The following ARHGEF40 variants were observed in gnomAD, a reference collection of about 807,000 sequenced individuals.
ARHGEF40 encodes Rho guanine nucleotide exchange factor 40.
Under a neutral mutation model 165.9 loss-of-function variants are expected in ARHGEF40, and 98 were observed. The ratio of observed to expected loss-of-function variants is 0.59; its 90% CI spans 0.50 to 0.70. ARHGEF40 has a LOEUF of 0.70. Among genes scored for constraint, ARHGEF40 ranks in the 30% least tolerant of loss-of-function variants. ARHGEF40 has a pLI of 0.00. For missense variants in ARHGEF40, 1,815 were observed against 1,968.0 expected, an observed-to-expected ratio of 0.92 and a Z score of 1.47; for synonymous variants, 792 against 814.3, an observed-to-expected ratio of 0.97 and a Z score of 0.47.
At position 21,074,822 on chromosome 14, in the gene ARHGEF40, G is replaced by A. The variant is rs1295470554; in HGVS notation, c.1092G>A (p.Gly364=). The change falls in exon 3 of 24, where the codon GGG becomes GGA. Residue 364 remains glycine, a synonymous_variant. Transcript: ENST00000298694. The surrounding 1 kb of genome is among the most constrained non-coding windows in gnomAD (Gnocchi z 4.8). ...ELRGGGGGGQ[G]AEGPPGTPRR... ...GAGGAGGAGGAGGAGGAGGCCAGGG[G>A]GCTGAAGGACCACCTGGTACCCCTC... 19 of 1,606,936 alleles carry A rather than the reference G, an allele frequency of 1.2e-5. No individual in the cohort carries two copies. The highest frequency in any genetic ancestry group is 2.7e-5 in the African/African-American group (2 of 74,566).
At chr14:21,069,473 G>C (rs1886498078), upstream of ARHGEF40, among the ~76,000 whole-genome samples, 1 of 152,206 alleles carries the variant, frequency 6.6e-6, no homozygotes, top group African/African-American at 2.4e-5. Context: ...TAGAGAGGTA[G>C]GGATGCGGAA....
rs1220350757 is a variant in ARHGEF40 at position 21,087,328 on chromosome 14, AC to A, written c.4255del (p.Arg1419GlyfsTer83). The A allele has an allele frequency of 1.2e-6, 2 of 1,605,012 alleles. No individual in the cohort carries two copies. Among genetic ancestry groups the A allele is most frequent in the South Asian group, 1.1e-5 (1 of 90,974 alleles). On this transcript the variant is annotated frameshift_variant, in exon 21 of 24. Coordinates refer to ENST00000298694, the MANE Select transcript of ARHGEF40 (RefSeq NM_018071.5). LOFTEE classifies it high-confidence loss of function. ...SALLTGRAAR[T>X]RASVAVSSFE... Reference sequence around the variant, plus strand: ...CTCCCCACTCTCTGCAGCCGCCCGCACCCGGGCCTCCGTGGCCGTGTCATCC... The same window carrying A: ...CTCCCCACTCTCTGCAGCCGCCCGCACCGGGCCTCCGTGGCCGTGTCATCC...
In ARHGEF40 at chr14:21,076,788, G is replaced by T; in HGVS notation, c.1932G>T (p.Leu644=). ...ELCGFQGAEV[L]SENDLKRVAK... The stretch of plus-strand genomic sequence containing the variant: ...ACCCTCTACAGGGTGCTGAGGTGCT[G>T]TCAGAGAATGATCTGAAAAGAGTGG... The change falls in exon 8 of 24, where the codon CTG becomes CTT. Residue 644 remains leucine (L), a synonymous_variant. Transcript: ENST00000298694. The T allele has an allele frequency of 2.5e-6, 4 of 1,614,144 alleles. No individual in the cohort carries two copies. The highest frequency in any genetic ancestry group is 3.4e-6 in the Non-Finnish European group (4 of 1,180,026).
Position 21,076,810 on chromosome 14 carries a change from G to A in ARHGEF40, c.1954G>A (p.Val652Met). ...EVLSENDLKR[V>M]AKPEELQWEL... is the part of the protein sequence containing the mutation. ...GCTGTCAGAGAATGATCTGAAAAGA[G>A]TGGCCAAGCCAGAGGAGCTGCAGTG... The change falls in exon 8 of 24, where the codon GTG becomes ATG. Residue 652 changes from valine (V) to methionine (M), a missense_variant. Physicochemically the swap from Val to Met is conservative, Grantham distance 21 (BLOSUM62 1). Transcript: ENST00000298694. 1 of 1,614,136 alleles carries A rather than the reference G, an allele frequency of 6.2e-7. No homozygotes were observed. The highest frequency in any genetic ancestry group is 8.5e-7 in the Non-Finnish European group (1 of 1,180,032).
rs756876876 is a variant in ARHGEF40 at position 21,074,450 on chromosome 14, C to T, written c.720C>T (p.Gly240=). ...ATGCCCCTGTGGAAGGACCTGAGGG[C>T]GAGTATGTGGAGCTGTTAGAGGTGA... The part of the protein sequence containing the change: ...GHNAPVEGPE[G]EYVELLEVTL... Residue 240 remains glycine, a synonymous_variant, in exon 3 of 24, where the codon GGC becomes GGT. Coordinates refer to ENST00000298694, the MANE Select transcript of ARHGEF40 (RefSeq NM_018071.5). The surrounding 1 kb of genome is among the most constrained non-coding windows in gnomAD (Gnocchi z 4.8). 1.6e-5 allele frequency: 25 copies of T among 1,597,420 alleles called. No individual in the cohort carries two copies. Among genetic ancestry groups the T allele is most frequent in the East Asian group, 9.0e-5 (4 of 44,538 alleles).
rs560871624 is a variant in ARHGEF40, at chr14:21,070,660, T to C, written c.3+261T>C. Reference sequence around the variant, plus strand: ...ATCCTCCCTTGGGTCTCTCCCCTAATCCACACACCTCCCCGCTCCCCGCCC... The same window carrying C: ...ATCCTCCCTTGGGTCTCTCCCCTAACCCACACACCTCCCCGCTCCCCGCCC... On this transcript the variant is annotated intron_variant, in intron 1 of 23. Coordinates refer to ENST00000298694, the MANE Select transcript of ARHGEF40 (RefSeq NM_018071.5). The surrounding 1 kb of genome is among the most constrained non-coding windows in gnomAD (Gnocchi z 4.7). 6.4e-4 allele frequency among the ~76,000 whole-genome samples: 97 copies of C among 152,026 alleles called. No individual in the cohort carries two copies. The highest frequency in any genetic ancestry group is 1.4e-3 in the Admixed American group (21 of 15,284).
At chr14:21,078,785 T>TA (rs1594563965) in intron 10 of ARHGEF40, 99 bp from the exon 11 acceptor site, 1 of 1,499,820 alleles carries the variant, frequency 6.7e-7, no homozygotes, top group African/African-American at 1.4e-5. Context: ...TCCATGCTGC[T>TA]ATGCAACCTC....
rs1484191182 is a variant in ARHGEF40 at position 21,078,385 on chromosome 14, A to G, written c.2143A>G (p.Met715Val). The G allele has an allele frequency of 2.5e-6, 4 of 1,606,172 alleles. No homozygotes were observed. Among genetic ancestry groups the G allele is most frequent in the African/African-American group, 2.7e-5 (2 of 74,850 alleles). The change falls in exon 10 of 24, where the codon ATG (methionine) becomes GTG (valine). Residue 715 changes from methionine to valine, a missense_variant. Met to Val is a conservative substitution (Grantham distance 21, BLOSUM62 1). Coordinates refer to ENST00000298694, the MANE Select transcript of ARHGEF40 (RefSeq NM_018071.5). ...TCCCTATCCCCAGGAGGCAGTGGGA[A>G]TGCCCAAGCCACTGCAGAAGGTGCT... is the stretch of plus-strand genomic sequence containing the variant. ...AEPEEEEAVG[M>V]PKPLQKVLAD... is the part of the protein sequence containing the mutation.
chr14:21,087,575 C>T, intron 21 of ARHGEF40, 112 bp downstream of exon 21: 1 of 1,432,758 alleles, frequency 7.0e-7, no homozygotes, highest in Non-Finnish European at 9.4e-7. Context: ...GTTGCCATGA[C>T]AACTATGTAC....
Position 21,075,849 on chromosome 14 carries a change from C to A in ARHGEF40, c.1739+84C>A. On this transcript the variant is annotated intron_variant, in intron 5 of 23. Coordinates refer to ENST00000298694, the MANE Select transcript of ARHGEF40 (RefSeq NM_018071.5). The surrounding 1 kb of genome is among the most constrained non-coding windows in gnomAD (Gnocchi z 4.5). The stretch of plus-strand genomic sequence containing the variant: ...CACCTCCTTCTTCTCAGGACACTGA[C>A]CTTCTGACCTCTAAGGACACCTACT... The A allele has an allele frequency of 6.6e-7, 1 of 1,521,430 alleles. No homozygotes were observed. Among genetic ancestry groups the A allele is most frequent in the South Asian group, 1.3e-5 (1 of 79,974 alleles). 94.2% of individuals were successfully genotyped at this position (1,521,430 alleles called of 1,614,324 possible).
At chr14:21,061,401 T>C in the ARHGEF40 span, among the ~76,000 whole-genome samples, 1 of 152,164 alleles carries the variant, frequency 6.6e-6, no homozygotes, top group African/African-American at 2.4e-5. Context: ...TCTGACTTCC[T>C]TGTGTAGGCT....
At position 21,084,730 on chromosome 14, in the gene ARHGEF40, A is replaced by ACTTTTC. The variant is rs745909366; in HGVS notation, c.3790-12_3790-7dup. On this transcript the variant is annotated intron_variant, in intron 17 of 23. Coordinates refer to ENST00000298694, the MANE Select transcript of ARHGEF40 (RefSeq NM_018071.5). ...CAAACAAAGGGCCCCTGGGCCAACC[A>ACTTTTC]CTTTTCCTTTTCCTTTCTCCAGATA... The ACTTTTC allele has an allele frequency of 1.1e-5, 18 of 1,605,454 alleles. No individual in the cohort carries two copies. The African/African-American group carries it at 2.2e-4, about 19-fold the overall frequency.
Position 21,078,459 on chromosome 14 carries a change from G to A in ARHGEF40, c.2217G>A (p.Leu739=), listed in dbSNP as rs1295102071. 1 of 1,607,280 alleles carries A rather than the reference G, an allele frequency of 6.2e-7. No individual in the cohort carries two copies. Among genetic ancestry groups the A allele is most frequent in the South Asian group, 1.1e-5 (1 of 90,118 alleles). The change falls in exon 10 of 24, where the codon CTG becomes CTA. Residue 739 remains leucine, a synonymous_variant. Coordinates refer to ENST00000298694, the MANE Select transcript of ARHGEF40 (RefSeq NM_018071.5). ...TALQRDGGAI[L]MRLRSTPSSK... ...TGCAGAGGGATGGGGGGGCCATCCT[G>A]ATGAGGCTGCGCTCCACTCCCAGCA...
chr14:21,081,883 C>A lies in ARHGEF40; in HGVS notation c.3015C>A (p.Ser1005=). ...PSSPGPRPAP[S]HCSLAPCGED... is the part of the protein sequence containing the mutation. ...GCCCTGGGCCACGGCCAGCCCCATC[C>A]CATTGCTCCCTGGCCCCATGTGGAG... Residue 1005 remains serine, a synonymous_variant, in exon 14 of 24, where the codon TCC becomes TCA. Transcript: ENST00000298694. The A allele has an allele frequency of 6.2e-7, 1 of 1,613,332 alleles. No individual in the cohort carries two copies.
chr14:21,070,856 G>C lies in ARHGEF40; in HGVS notation c.3+457G>C, dbSNP rs1322732235. The C allele has an allele frequency of 8.5e-6, 13 of 1,535,604 alleles. No individual in the cohort carries two copies. Among genetic ancestry groups the C allele is most frequent in the Non-Finnish European group, 1.1e-5 (13 of 1,146,842 alleles). On this transcript the variant is annotated intron_variant, in intron 1 of 23. Transcript: ENST00000298694. This position sits in a 1 kb window ranked among gnomAD's most constrained non-coding sequence, Gnocchi z 4.7. ...CATGGAACCACCATTTTCCATCCCT[G>C]TCCCCAACCCGGTGAGGCAGGCCCA... is the stretch of plus-strand genomic sequence containing the variant.
At chr14:21,086,867 T>C (rs142583984) in intron 19 of ARHGEF40, 134 bp from the exon 20 acceptor site, 16 of 650,406 alleles carry the variant, frequency 2.5e-5, no homozygotes, top group African/African-American at 2.3e-4. Flanking sequence ...AAAAGAGACA[T>C]CAGAGGAATG....
upstream of ARHGEF40, chr14:21,070,295 C>T (rs2139186316): frequency 3.8e-6 from 5 of 1,315,910 alleles, no homozygotes; most frequent in South Asian, 3.4e-5. The surrounding 1 kb of genome is among the most constrained non-coding windows in gnomAD (Gnocchi z 4.7). Context: ...CCGGAGCTGT[C>T]CCTTAGCCAG....
intron 16 of ARHGEF40, 51 bp from the exon 17 acceptor site, chr14:21,083,784 C>A: frequency 6.5e-7 from 1 of 1,548,102 alleles, no homozygotes; most frequent in Non-Finnish European, 8.8e-7. Flanking sequence ...CTGAGCTTGG[C>A]CCCCAGAGGC....
At position 21,070,327 on chromosome 14, in the gene ARHGEF40, G is replaced by C. The variant is rs949968513; in HGVS notation, c.-70G>C. On this transcript the variant is annotated 5_prime_UTR_variant, in exon 1 of 24. Transcript: ENST00000298694. This position sits in a 1 kb window ranked among gnomAD's most constrained non-coding sequence, Gnocchi z 4.7. The stretch of plus-strand genomic sequence containing the variant: ...CCAGACCCGGCGAGACACGAGCGGC[G>C]GGAGGGAGGCGGTGGCGCGCCCGGC... 8.6e-6 allele frequency: 12 copies of C among 1,392,408 alleles called. No individual in the cohort carries two copies. In the East Asian group the frequency reaches 3.1e-4, roughly 37 times the overall value. The allele number at this position is 1,392,408 out of a possible 1,614,324, so 86.3% of individuals were successfully genotyped here.
Sources: gnomAD v4.1 joint callset for allele counts (sites outside exome capture counted in the v4.1 genomes callset) on GRCh38, gnomAD v4.1.1 for gene constraint, Gnocchi (gnomAD v3.1) non-coding constraint, MANE v1.5 for transcripts, NCBI Gene and HGNC (gene_info 2026-07-23, HGNC 2026-07-21) for gene names.